Variants in GLG1 observed in about 807,000 individuals in gnomAD.
GLG1 encodes the protein Golgi apparatus protein 1.
Under a neutral mutation model 160.5 loss-of-function variants are expected in GLG1, and 38 were observed. That is an observed-to-expected ratio of 0.24 (90% confidence interval 0.18 to 0.31). GLG1 has a LOEUF of 0.31. GLG1 is among the 10% of genes least tolerant of loss of function. GLG1 has a pLI of 1.00. For missense variants in GLG1, 1,373 were observed against 1,505.2 expected (o/e 0.91, Z 1.45); for synonymous variants, 644 against 543.4 (o/e 1.19, Z -2.57).
intron 16 of GLG1, 32 bp downstream of exon 16, chr16:74,469,952 GA>G (rs1567462835): frequency 7.5e-7 from 1 of 1,326,912 alleles, no homozygotes. Context: ...GGAACTTCGG[GA>G]AAGTGGAATG....
Position 74,519,336 on chromosome 16 carries a change from G to T in GLG1, c.472-10411C>A, listed in dbSNP as rs562731459. 3.0e-4 allele frequency among the ~76,000 whole-genome samples: 46 copies of T among 151,878 alleles called. 1 individual carries two copies. The highest frequency in any genetic ancestry group is 5.6e-4 in the Non-Finnish European group (38 of 67,984). ...AACATCACACACTGGGGCCTTTTGG[G>T]GGTGGGGGGCTAGGGGAGGGATAAC... is the stretch of plus-strand genomic sequence containing the variant. On this transcript the variant is annotated intron_variant, in intron 2 of 25. Coordinates refer to ENST00000422840, the MANE Select transcript of GLG1 (RefSeq NM_001145667.2).
At chr16:74,509,488 C>G (rs1003228222) in intron 2 of GLG1, among the ~76,000 whole-genome samples, 1 of 151,828 alleles carries the variant, frequency 6.6e-6, no homozygotes, top group African/African-American at 2.4e-5. Context: ...TTTCATAGAT[C>G]GGTTTCATGG....
intron 1 of GLG1, among the ~76,000 whole-genome samples, chr16:74,590,390 G>A (rs1254228473): frequency 6.6e-6 from 1 of 152,014 alleles, no homozygotes; most frequent in Non-Finnish European, 1.5e-5. Flanking sequence ...GGCCGAAGCA[G>A]GCGGATCACC....
chr16:74,472,800 A>G (rs913594634), intron 13 of GLG1: 1 of 355,330 alleles, frequency 2.8e-6, no homozygotes, highest in Non-Finnish European at 5.5e-6. Flanking sequence ...CATAAGCCAG[A>G]GCACTGCCCT....
At chr16:74,529,680 A>G (rs959430351) in intron 2 of GLG1, among the ~76,000 whole-genome samples, 4 of 152,026 alleles carry the variant, frequency 2.6e-5, no homozygotes, top group African/African-American at 9.7e-5. Flanking sequence ...TCTGGGTTAT[A>G]TAATTGTTCT....
At chr16:74,469,651 G>A (rs1447460112) in intron 16 of GLG1, 6 of 274,682 alleles carry the variant, frequency 2.2e-5, no homozygotes, top group African/African-American at 1.1e-4. Context: ...ATAACGGGAC[G>A]ACGCAGGGAA....
Position 74,607,073 on chromosome 16 carries a change from G to C in GLG1, c.22C>G (p.Arg8Gly), listed in dbSNP as rs764483025. 1.0e-5 allele frequency: 16 copies of C among 1,569,444 alleles called. No individual in the cohort carries two copies. The highest frequency in any genetic ancestry group is 6.9e-5 in the South Asian group (6 of 87,104). Residue 8 changes from arginine (R) to glycine (G), a missense_variant, in exon 1 of 26, where the codon CGG becomes GGG. This residue lies in a region of GLG1 where 322 missense variants were observed against 254.6 expected (regional missense o/e 1.26). Coordinates refer to ENST00000422840, the MANE Select transcript of GLG1 (RefSeq NM_001145667.2). MAACGRV[R>G]RMFRLSAALH... ...GCCGCCGACAAGCGGAACATCCTCC[G>C]TACACGTCCACACGCCGCCATCTTG...
Position 74,607,050 on chromosome 16 carries a change from C to T in GLG1, c.45G>A (p.Ala15=), listed in dbSNP as rs1235593649. ...CGAATAGCAGCAGCAGATGCAGCGC[C>T]GCCGACAAGCGGAACATCCTCCGTA... ...GRVRRMFRLS[A]ALHLLLLFAA... The change falls in exon 1 of 26, where the codon GCG becomes GCA. Residue 15 remains alanine, a synonymous_variant. Coordinates refer to ENST00000422840, the MANE Select transcript of GLG1 (RefSeq NM_001145667.2). The T allele has an allele frequency of 6.3e-7, 1 of 1,588,388 alleles. No homozygotes were observed. Among genetic ancestry groups the T allele is most frequent in the Non-Finnish European group, 8.5e-7 (1 of 1,170,354 alleles).
intron 10 of GLG1, 61 bp from the exon 11 acceptor site, chr16:74,480,455 C>T: frequency 1.5e-6 from 2 of 1,305,088 alleles, no homozygotes; most frequent in Non-Finnish European, 2.2e-6. Flanking sequence ...CTAACACAGG[C>T]TCAGGGTTTT....
intron 2 of GLG1, among the ~76,000 whole-genome samples, chr16:74,519,269 C>T (rs542310144): frequency 4.9e-5 from 7 of 142,682 alleles, no homozygotes; most frequent in African/African-American, 1.6e-4. Flanking sequence ...CTCACTCATA[C>T]GTGGTAGTTG....
intron 13 of GLG1, among the ~76,000 whole-genome samples, chr16:74,473,454 T>TC (rs2015282231): frequency 6.7e-6 from 1 of 149,232 alleles, no homozygotes; most frequent in African/African-American, 2.5e-5. Flanking sequence ...TTTTTTTTTT[T>TC]TGAGACATAG....
chr16:74,471,601 T>C (rs2143250438), intron 14 of GLG1, among the ~76,000 whole-genome samples: 1 of 152,226 alleles, frequency 6.6e-6, no homozygotes, highest in South Asian at 2.1e-4. Flanking sequence ...CCTGGGTATG[T>C]TTCACTCCCA....
intron 1 of GLG1, among the ~76,000 whole-genome samples, chr16:74,604,846 C>T (rs893646243): frequency 6.6e-6 from 1 of 152,246 alleles, no homozygotes. Flanking sequence ...GTCAGGAGAT[C>T]GAGACCATCC....
chr16:74,472,476 TTC>T (rs2015241554), intron 13 of GLG1, 65 bp from the exon 14 acceptor site: 1 of 1,385,378 alleles, frequency 7.2e-7, no homozygotes, highest in Non-Finnish European at 1.0e-6. Context: ...GAGGAGCAGT[TTC>T]TCTTTCTGAA....
At position 74,536,229 on chromosome 16, in the gene GLG1, A is replaced by C. The variant is rs545495728; in HGVS notation, c.439-4076T>G. On this transcript the variant is annotated intron_variant, in intron 1 of 25. Coordinates refer to ENST00000422840, the MANE Select transcript of GLG1 (RefSeq NM_001145667.2). ...CATCAGATATAGTACATCTATTTCCACAAAACTTTAAGTGCAGACAGGCTC... is the reference window on the plus strand; with the variant it reads ...CATCAGATATAGTACATCTATTTCCCCAAAACTTTAAGTGCAGACAGGCTC... 1.9e-3 allele frequency among the ~76,000 whole-genome samples: 284 copies of C among 152,294 alleles called. 1 individual carries two copies. Among genetic ancestry groups the C allele is most frequent in the African/African-American group, 6.6e-3 (273 of 41,550 alleles).
chr16:74,542,770 G>GAAAGGAAGGAAGA (rs1555514685), intron 1 of GLG1, among the ~76,000 whole-genome samples: 1 of 138,234 alleles, frequency 7.2e-6, no homozygotes, highest in African/African-American at 2.8e-5. Context: ...AGGAAGGAAG[G>GAAAGGAAGGAAGA]AAGGAAGGAA....
At chr16:74,569,950 A>C (rs754322111) in intron 1 of GLG1, among the ~76,000 whole-genome samples, 1 of 151,310 alleles carries the variant, frequency 6.6e-6, no homozygotes, top group South Asian at 2.1e-4. Context: ...TGGGAGGCTG[A>C]GGCCAGTGGA....
intron 1 of GLG1, among the ~76,000 whole-genome samples, chr16:74,537,353 G>A (rs2017713453): frequency 6.6e-6 from 1 of 152,020 alleles, no homozygotes; most frequent in South Asian, 2.1e-4. Flanking sequence ...TCAGGAAATG[G>A]TTAAAAAACA....
At chr16:74,513,922 T>A (rs1191860272) in intron 2 of GLG1, among the ~76,000 whole-genome samples, 1 of 152,080 alleles carries the variant, frequency 6.6e-6, no homozygotes, top group Non-Finnish European at 1.5e-5. Context: ...CTAACTAGAA[T>A]AACCAGTGTA....
Sources: gnomAD v4.1 joint callset for allele counts (sites outside exome capture counted in the v4.1 genomes callset) on GRCh38, gnomAD v4.1.1 for gene constraint, gnomAD v4.1.1 regional missense constraint, MANE v1.5 for transcripts, NCBI Gene and HGNC (gene_info 2026-07-23, HGNC 2026-07-21) for gene names.